The following GTF2E2 variants were observed in gnomAD, a reference collection of about 807,000 sequenced individuals.
GTF2E2 encodes the protein transcription initiation factor IIE subunit beta.
A neutral mutation model predicts 40.5 loss-of-function variants in GTF2E2; 21 were observed. The ratio of observed to expected loss-of-function variants is 0.52; its 90% confidence interval spans 0.37 to 0.75. The LOEUF is 0.75. Among genes scored for constraint, GTF2E2 ranks in the 30% least tolerant of loss-of-function variants. The pLI is 0.00. For missense variants in GTF2E2, 298 were observed against 338.4 expected (o/e 0.88, Z 0.94); for synonymous variants, 117 against 121.6 (o/e 0.96, Z 0.25).
chr8:30,648,289 C>T (rs1034232295), intron 2 of GTF2E2, among the ~76,000 whole-genome samples: 7 of 152,172 alleles, frequency 4.6e-5, no homozygotes, highest in Non-Finnish European at 8.8e-5. Context: ...GAGGCAGGCA[C>T]GCAGGCTGCA....
chr8:30,610,280 T>C (rs1251863018), intron 5 of GTF2E2, among the ~76,000 whole-genome samples: 3 of 151,964 alleles, frequency 2.0e-5, no homozygotes, highest in Middle Eastern at 3.4e-3. Context: ...ACCACATCTC[T>C]ACCAAAAATA....
At chr8:30,579,805 T>C (rs994695862) in intron 7 of GTF2E2, among the ~76,000 whole-genome samples, 1 of 152,216 alleles carries the variant, frequency 6.6e-6, no homozygotes, top group Non-Finnish European at 1.5e-5. Flanking sequence ...TAACATCCCC[T>C]GTGAGCAGGA....
chr8:30,578,833 G>A lies in GTF2E2; in HGVS notation c.*88C>T, dbSNP rs1398664641. ...CTCCTCTCCTCAGCCGCAAGAAGCA[G>A]ATAGGAAGACAGTCTTCAGACCCCG... On this transcript the variant is annotated 3_prime_UTR_variant, in exon 8 of 8. Coordinates refer to ENST00000355904, the MANE Select transcript of GTF2E2 (RefSeq NM_002095.6). 1.3e-5 allele frequency: 10 copies of A among 765,320 alleles called. No individual in the cohort carries two copies. Among genetic ancestry groups the A allele is most frequent in the Non-Finnish European group, 2.2e-5 (9 of 417,226 alleles). 47.4% of individuals were successfully genotyped at this position (765,320 alleles called of 1,614,324 possible).
At chr8:30,594,078 A>G (rs954981079) in intron 6 of GTF2E2, among the ~76,000 whole-genome samples, 8 of 151,622 alleles carry the variant, frequency 5.3e-5, no homozygotes, top group Non-Finnish European at 4.4e-5. Flanking sequence ...TTACAGGCGC[A>G]TGCCACCACA....
chr8:30,596,547 T>C (rs1400403577), intron 6 of GTF2E2, among the ~76,000 whole-genome samples: 1 of 152,242 alleles, frequency 6.6e-6, no homozygotes, highest in African/African-American at 2.4e-5. Context: ...GAACAGTTAT[T>C]TTAGATTCCA....
At chr8:30,649,152 ATATAT>A (rs1490944695) in intron 2 of GTF2E2, among the ~76,000 whole-genome samples, 2 of 152,140 alleles carry the variant, frequency 1.3e-5, no homozygotes, top group African/African-American at 2.4e-5. Flanking sequence ...TAAACCTAAT[ATATAT>A]TATAAGAATG....
rs144802554 is a variant in GTF2E2, at chr8:30,605,008, G to A, written c.643+2049C>T. On this transcript the variant is annotated intron_variant, in intron 6 of 7. Coordinates refer to ENST00000355904, the MANE Select transcript of GTF2E2 (RefSeq NM_002095.6). ...TAGCGTGCAGATTACAAGAACATCT[G>A]GGCTTCCCACTGCTAAACACACAGT... Among the ~76,000 whole-genome samples the A allele has an allele frequency of 4.1e-4, 63 of 152,286 alleles. 1 individual carries two copies. The highest frequency in any genetic ancestry group is 1.5e-3 in the African/African-American group (62 of 41,560).
intron 2 of GTF2E2, chr8:30,644,372 CTATCATTTATAA>C (rs1298921171): frequency 2.6e-5 from 4 of 152,266 alleles, no homozygotes; most frequent in African/African-American, 9.6e-5. Context: ...ACACTTAAGA[CTATCATTTATAA>C]CCCCAAGATT....
chr8:30,627,800 G>A (rs147437022), intron 3 of GTF2E2, among the ~76,000 whole-genome samples: 134 of 152,342 alleles, frequency 8.8e-4, no homozygotes, highest in Non-Finnish European at 1.6e-3. Context: ...ACAGAACACT[G>A]AAGCTGAAAG....
At chr8:30,601,773 G>A (rs542361411) in intron 6 of GTF2E2, among the ~76,000 whole-genome samples, 1 of 152,236 alleles carries the variant, frequency 6.6e-6, no homozygotes, top group East Asian at 1.9e-4. Context: ...ACAGAATATA[G>A]CATTATTAAC....
chr8:30,602,225 C>A (rs1247158872), intron 6 of GTF2E2, among the ~76,000 whole-genome samples: 2 of 152,058 alleles, frequency 1.3e-5, no homozygotes, highest in Non-Finnish European at 2.9e-5. Context: ...ACCATGTTGA[C>A]CAGGCTGGTC....
chr8:30,626,471 G>A (rs6982204), intron 3 of GTF2E2, among the ~76,000 whole-genome samples: 50,885 of 152,064 alleles, frequency 0.33, 8,578 homozygotes, highest in African/African-American at 0.4. Flanking sequence ...ATGACAGAGC[G>A]AGACTCTGTC....
chr8:30,650,331 T>C (rs981778086), intron 2 of GTF2E2, among the ~76,000 whole-genome samples: 3 of 151,896 alleles, frequency 2.0e-5, no homozygotes, highest in Non-Finnish European at 4.4e-5. Flanking sequence ...GACTAAAGAG[T>C]GAGAACATGC....
intron 6 of GTF2E2, among the ~76,000 whole-genome samples, chr8:30,581,633 G>T (rs1369551506): frequency 6.6e-6 from 1 of 152,178 alleles, no homozygotes; most frequent in Non-Finnish European, 1.5e-5. Flanking sequence ...CTCTAAATAA[G>T]ATTTTTTAAT....
intron 3 of GTF2E2, among the ~76,000 whole-genome samples, chr8:30,621,325 A>G (rs1801095339): frequency 6.6e-6 from 1 of 152,136 alleles, no homozygotes; most frequent in African/African-American, 2.4e-5. Context: ...GTAATAATCA[A>G]TGCATGAAAG....
intron 5 of GTF2E2, among the ~76,000 whole-genome samples, chr8:30,608,708 T>C (rs1274159708): frequency 2.0e-5 from 3 of 152,164 alleles, no homozygotes; most frequent in Non-Finnish European, 4.4e-5. Context: ...GGCTCACACC[T>C]ATAATCCCAG....
At chr8:30,631,545 T>C (rs542521711) in intron 3 of GTF2E2, among the ~76,000 whole-genome samples, 1 of 152,350 alleles carries the variant, frequency 6.6e-6, no homozygotes, top group Non-Finnish European at 1.5e-5. Context: ...AGTTAAAATC[T>C]ATTTTGTCAA....
chr8:30,629,031 T>C (rs1392994735), intron 3 of GTF2E2, among the ~76,000 whole-genome samples: 1 of 152,216 alleles, frequency 6.6e-6, no homozygotes, highest in Non-Finnish European at 1.5e-5. Flanking sequence ...TAATTAATTT[T>C]CAAATATTAA....
chr8:30,586,132 C>T (rs1345304422), intron 6 of GTF2E2, among the ~76,000 whole-genome samples: 1 of 152,164 alleles, frequency 6.6e-6, no homozygotes, highest in Non-Finnish European at 1.5e-5. Context: ...ACACGCCATG[C>T]CTTCCTCCCT....
Sources: gnomAD v4.1 joint callset for allele counts (sites outside exome capture counted in the v4.1 genomes callset) on GRCh38, gnomAD v4.1.1 for gene constraint, MANE v1.5 for transcripts, NCBI Gene and HGNC (gene_info 2026-07-23, HGNC 2026-07-21) for gene names.